The following RYR3 variants were observed in gnomAD, a reference collection of about 807,000 sequenced individuals.
RYR3 encodes brain ryanodine receptor-calcium release channel.
RYR3 carries 207 observed loss-of-function variants against 584.3 expected under a neutral mutation model. The ratio of observed to expected loss-of-function variants is 0.35; its 90% confidence interval spans 0.32 to 0.40. The LOEUF is 0.40. Among genes scored for constraint, RYR3 ranks in the 10% least tolerant of loss-of-function variants. The pLI, the probability that RYR3 is intolerant of heterozygous loss-of-function variation, is 1.00. For missense variants in RYR3, 5,616 were observed against 6,089.2 expected (o/e 0.92, Z 2.59); for synonymous variants, 2,416 against 2,248.5 (o/e 1.07, Z -2.11).
chr15:33,862,857 T>G (rs976624302), intron 102 of RYR3, among the ~76,000 whole-genome samples: 17 of 152,346 alleles, frequency 1.1e-4, no homozygotes, highest in African/African-American at 4.1e-4. Flanking sequence ...GTGATCCACC[T>G]GCCTTGGCCT....
chr15:33,830,888 AC>A, intron 85 of RYR3, 74 bp from the exon 86 acceptor site: 2 of 1,498,702 alleles, frequency 1.3e-6, no homozygotes, highest in Non-Finnish European at 1.8e-6. Flanking sequence ...ATTATCATGT[AC>A]CCTTCCCAAA....
chr15:33,534,548 A>G (rs202192551), intron 5 of RYR3, among the ~76,000 whole-genome samples: 36 of 152,294 alleles, frequency 2.4e-4, no homozygotes, highest in East Asian at 9.6e-4. Flanking sequence ...AAAAATATTG[A>G]CAGTTAAAAG....
chr15:33,785,011 T>A (rs1052463362), intron 65 of RYR3, among the ~76,000 whole-genome samples: 1 of 152,040 alleles, frequency 6.6e-6, no homozygotes, highest in Non-Finnish European at 1.5e-5. Flanking sequence ...TACAAATCAG[T>A]CCTTGGAAAC....
intron 5 of RYR3, among the ~76,000 whole-genome samples, chr15:33,534,855 C>G (rs1374820530): frequency 6.6e-6 from 1 of 152,162 alleles, no homozygotes; most frequent in Admixed American, 6.5e-5. Context: ...AACAATCTGA[C>G]CATCCGTCAA....
Position 33,681,770 on chromosome 15 carries a change from G to A in RYR3, c.5860+11214G>A, listed in dbSNP as rs371570298. The stretch of plus-strand genomic sequence containing the variant: ...TTTCTAAGTGTAACCTAAGTGTGGT[G>A]CAATTTTGTTTGCTCCCTCTTCTCA... On this transcript the variant is annotated intron_variant, in intron 38 of 103. Coordinates refer to ENST00000634891, the MANE Select transcript of RYR3 (RefSeq NM_001036.6). Among the ~76,000 whole-genome samples, 10 of 152,274 alleles carry A rather than the reference G, an allele frequency of 6.6e-5. No homozygotes were observed. The South Asian group carries it at 1.2e-3, about 19-fold the overall frequency.
intron 76 of RYR3, 34 bp downstream of exon 76, chr15:33,818,718 C>T (rs2076950769): frequency 6.8e-7 from 1 of 1,477,528 alleles, no homozygotes; most frequent in Non-Finnish European, 9.4e-7. Flanking sequence ...TTCTCCCAGG[C>T]ACCAGGGATA....
chr15:33,584,865 G>T (rs659517), intron 15 of RYR3, among the ~76,000 whole-genome samples: 28,939 of 149,548 alleles, frequency 0.19, 3,738 homozygotes, highest in East Asian at 0.57. Context: ...CTTTTCAATG[G>T]TGCCCAAACT....
At chr15:33,493,854 G>A (rs765279521) in intron 2 of RYR3, among the ~76,000 whole-genome samples, 2 of 152,160 alleles carry the variant, frequency 1.3e-5, no homozygotes, top group Non-Finnish European at 2.9e-5. Context: ...AGGCTGAGGC[G>A]GGAGAGTCTC....
chr15:33,571,079 C>A (rs2058002063), intron 12 of RYR3, among the ~76,000 whole-genome samples: 1 of 149,924 alleles, frequency 6.7e-6, no homozygotes, highest in Non-Finnish European at 1.5e-5. Context: ...TGCATTATTG[C>A]ACTGGCTGGA....
rs557643104 is a variant in RYR3, at chr15:33,494,106, T to A, written c.172-9525T>A. ...AAAGAAACAGTGATTGTGGCTATTT[T>A]TTTTTTTAGCTCTTTATCACATTAG... On this transcript the variant is annotated intron_variant, in intron 2 of 103. Coordinates refer to ENST00000634891, the MANE Select transcript of RYR3 (RefSeq NM_001036.6). 6.5e-3 allele frequency among the ~76,000 whole-genome samples: 990 copies of A among 152,206 alleles called. 41 individuals carry two copies. Among genetic ancestry groups the A allele is most frequent in the Admixed American group, 0.06 (916 of 15,292 alleles).
intron 1 of RYR3, among the ~76,000 whole-genome samples, chr15:33,402,856 G>T (rs1228577741): frequency 6.6e-6 from 1 of 152,224 alleles, no homozygotes. Flanking sequence ...ATGGGGCCAG[G>T]ACTAATTAGG....
intron 1 of RYR3, among the ~76,000 whole-genome samples, chr15:33,384,520 A>C (rs1259560020): frequency 6.8e-6 from 1 of 146,602 alleles, no homozygotes; most frequent in African/African-American, 2.5e-5. Context: ...AATTAATAAT[A>C]TAATAATATT....
At chr15:33,557,462 G>T (rs1480571454) in intron 10 of RYR3, among the ~76,000 whole-genome samples, 1 of 152,160 alleles carries the variant, frequency 6.6e-6, no homozygotes, top group Non-Finnish European at 1.5e-5. Flanking sequence ...TTGGCTCACT[G>T]CAACCTCCGA....
chr15:33,768,585 T>G, intron 60 of RYR3, 73 bp from the exon 61 acceptor site: 6 of 1,272,086 alleles, frequency 4.7e-6, no homozygotes, highest in South Asian at 1.2e-5. Flanking sequence ...GTAAGGGACA[T>G]TGGGGTGGGG....
intron 38 of RYR3, among the ~76,000 whole-genome samples, chr15:33,693,947 G>C (rs2065637646): frequency 6.6e-6 from 1 of 152,124 alleles, no homozygotes; most frequent in Non-Finnish European, 1.5e-5. Context: ...ATTTCTTTGA[G>C]GACAAAGGGG....
chr15:33,815,496 T>C (rs2076768578), intron 74 of RYR3: 1 of 179,752 alleles, frequency 5.6e-6, no homozygotes, highest in African/African-American at 2.3e-5. Context: ...CTGAAGATAT[T>C]AGTACCATCC....
intron 1 of RYR3, among the ~76,000 whole-genome samples, chr15:33,336,851 C>G (rs1490930456): frequency 6.6e-6 from 1 of 150,484 alleles, no homozygotes; most frequent in Non-Finnish European, 1.5e-5. Flanking sequence ...GTCAGGAGAT[C>G]GAGACCGTCC....
At chr15:33,849,308 G>A (rs1288154555) in intron 94 of RYR3, 2 of 152,234 alleles carry the variant, frequency 1.3e-5, no homozygotes, top group Non-Finnish European at 2.9e-5. Context: ...GAAGAAGGAA[G>A]AGCACTGATT....
chr15:33,543,451 C>T (rs2055992161), intron 7 of RYR3, among the ~76,000 whole-genome samples, 171 bp from the exon 8 acceptor site: 1 of 152,136 alleles, frequency 6.6e-6, no homozygotes, highest in Non-Finnish European at 1.5e-5. Flanking sequence ...TTTTGACTTT[C>T]CTGTCTTTTC....
Sources: allele counts gnomAD v4.1 joint callset (sites outside exome capture counted in the v4.1 genomes callset), GRCh38; gene constraint gnomAD v4.1.1; transcripts MANE v1.5; gene names NCBI Gene and HGNC (gene_info 2026-07-23, HGNC 2026-07-21).